Variants in NDUFAF6 observed in about 807,000 individuals in gnomAD.
NDUFAF6 encodes NADH:ubiquinone oxidoreductase complex assembly factor 6, also known as NADH dehydrogenase (ubiquinone) complex I, assembly factor 6.
NDUFAF6 carries 45 observed loss-of-function variants against 40.8 expected under a neutral mutation model. That is an observed-to-expected ratio of 1.10 (90% CI 0.87 to 1.42). NDUFAF6 has a LOEUF of 1.42. Ranked by LOEUF, NDUFAF6 falls within the 40% of genes most tolerant of loss-of-function variation. The pLI, the probability that NDUFAF6 is intolerant of heterozygous loss-of-function variation, is 0.00. For missense variants in NDUFAF6, 435 were observed against 418.5 expected, an observed-to-expected ratio of 1.04 and a Z score of -0.34; for synonymous variants, 185 against 155.9, an observed-to-expected ratio of 1.19 and a Z score of -1.39.
chr8:94,940,597 G>A (rs913635098), intron 1 of NDUFAF6, among the ~76,000 whole-genome samples: 27 of 152,236 alleles, frequency 1.8e-4, no homozygotes, highest in African/African-American at 6.0e-4. Context: ...TTCTAATGAA[G>A]TGCCCTTGAT....
At chr8:95,078,547 C>T (rs1808704210), downstream of NDUFAF6, 1 of 151,500 alleles carries the variant, frequency 6.6e-6, no homozygotes, top group Admixed American at 6.6e-5. Flanking sequence ...TCCGGAGGCT[C>T]AGTGGGGAGG....
At chr8:95,108,510 A>T (rs930577431) in intron 4 of NDUFAF6, among the ~76,000 whole-genome samples, 1 of 152,202 alleles carries the variant, frequency 6.6e-6, no homozygotes, top group Non-Finnish European at 1.5e-5. Context: ...ATAGTCAAAT[A>T]CCTAGAGACA....
intron 1 of NDUFAF6, chr8:94,939,940 G>C (rs1821359080): frequency 6.2e-7 from 1 of 1,614,066 alleles, no homozygotes; most frequent in African/African-American, 1.3e-5. Flanking sequence ...GCACAGCATA[G>C]ACAGACATGC....
chr8:95,105,600 C>T (rs1369497470), downstream of NDUFAF6, among the ~76,000 whole-genome samples: 1 of 152,154 alleles, frequency 6.6e-6, no homozygotes, highest in African/African-American at 2.4e-5. Flanking sequence ...CTCCTGGGCT[C>T]AAGCAATTCT....
At chr8:94,946,696 CAAAAA>C (rs71273438) in intron 2 of NDUFAF6, among the ~76,000 whole-genome samples, 531 of 34,694 alleles carry the variant, frequency 0.015, 19 homozygotes, top group African/African-American at 0.043. Context: ...GACCCTGTCT[CAAAAA>C]AAAAAAAAAA....
chr8:94,935,311 T>C (rs1300774408), intron 1 of NDUFAF6, among the ~76,000 whole-genome samples: 1 of 152,120 alleles, frequency 6.6e-6, no homozygotes, highest in Non-Finnish European at 1.5e-5. Context: ...CCCAAAATAC[T>C]TTAACAGGAA....
intron 2 of NDUFAF6, among the ~76,000 whole-genome samples, chr8:94,949,732 A>G (rs546122467): frequency 1.3e-5 from 2 of 152,038 alleles, no homozygotes; most frequent in South Asian, 4.1e-4. Flanking sequence ...GCAGAGGTGG[A>G]TCTCTCCCTC....
chr8:95,066,286 G>GC (rs1346826386), intron 9 of NDUFAF6, among the ~76,000 whole-genome samples: 68 of 106,174 alleles, frequency 6.4e-4, no homozygotes, highest in African/African-American at 2.7e-3. Flanking sequence ...TTGCTTGCTT[G>GC]CTTTTTTTTT....
intron 2 of NDUFAF6, among the ~76,000 whole-genome samples, chr8:95,032,340 ATAAAACTGTGCCAT>A (rs1159249503): frequency 1.3e-5 from 2 of 152,242 alleles, no homozygotes; most frequent in South Asian, 4.1e-4. Context: ...CGAGGATATT[ATAAAACTGTGCCAT>A]TAACATTGCA....
At chr8:95,114,188 G>C (rs2132090120) in intron 4 of NDUFAF6, among the ~76,000 whole-genome samples, 1 of 112,562 alleles carries the variant, frequency 8.9e-6, no homozygotes, top group Non-Finnish European at 1.9e-5. Flanking sequence ...AAAATGAATG[G>C]TGTTGTCTTT....
chr8:94,978,207 A>T (rs1301464831), intron 1 of NDUFAF6, among the ~76,000 whole-genome samples: 2 of 152,162 alleles, frequency 1.3e-5, no homozygotes, highest in African/African-American at 4.8e-5. Context: ...CAGGAAGGGG[A>T]GCAGAGCTGG....
downstream of NDUFAF6, among the ~76,000 whole-genome samples, chr8:95,108,455 A>G (rs535965033): frequency 8.5e-5 from 13 of 152,222 alleles, no homozygotes; most frequent in Non-Finnish European, 1.8e-4. Context: ...AGCCAGATAC[A>G]AAAGGACAAA....
At chr8:94,965,366 A>C (rs547568731) in intron 1 of NDUFAF6, among the ~76,000 whole-genome samples, 1 of 152,348 alleles carries the variant, frequency 6.6e-6, no homozygotes, top group Non-Finnish European at 1.5e-5. Flanking sequence ...AGGCTGGGAC[A>C]GGGTGGAGGG....
chr8:94,931,613 A>T (rs567264220), intron 1 of NDUFAF6, among the ~76,000 whole-genome samples: 2 of 46,086 alleles, frequency 4.3e-5, no homozygotes, highest in African/African-American at 1.3e-4. Context: ...CACACACATA[A>T]AATTTTTTTA....
chr8:95,073,265 T>C lies in NDUFAF6; in HGVS notation c.*512-2368T>C, dbSNP rs570719786. The C allele has an allele frequency of 2.5e-3, 385 of 152,324 alleles. 3 individuals carry two copies. The South Asian group carries it at 0.026, about 10-fold the overall frequency. The allele number at this position is 152,324 out of a possible 1,614,324, so 9.4% of individuals were successfully genotyped here. Reference sequence around the variant, plus strand: ...CCTTGCGCGCGCAGCCAGGACAGTGTTTCTGCGCTTCCTGAGGCCAAAGCG... The same window carrying C: ...CCTTGCGCGCGCAGCCAGGACAGTGCTTCTGCGCTTCCTGAGGCCAAAGCG... On this transcript the variant is annotated intron_variant and NMD_transcript_variant, in intron 9 of 9. Coordinates refer to the NDUFAF6 transcript ENST00000520757.
At chr8:94,990,068 T>A (rs139396910) in intron 2 of NDUFAF6, among the ~76,000 whole-genome samples, 1 of 152,286 alleles carries the variant, frequency 6.6e-6, no homozygotes, top group African/African-American at 2.4e-5. Context: ...GTATTGTGGC[T>A]ATGATTCACT....
chr8:94,959,540 T>TG (rs1347315358), intron 1 of NDUFAF6, among the ~76,000 whole-genome samples: 1 of 79,078 alleles, frequency 1.3e-5, no homozygotes, highest in Non-Finnish European at 3.1e-5. Flanking sequence ...GTTTTTTTTG[T>TG]TTTTTTTTTA....
chr8:95,092,578 C>CTTTTTTT (rs528845192), intron 2 of NDUFAF6, among the ~76,000 whole-genome samples: 3 of 77,818 alleles, frequency 3.9e-5, no homozygotes, highest in Admixed American at 1.8e-4. Context: ...CTCACGAAGC[C>CTTTTTTT]TTTTTTTTTT....
chr8:94,952,709 C>A (rs755829727), intron 2 of NDUFAF6, among the ~76,000 whole-genome samples: 2 of 152,200 alleles, frequency 1.3e-5, no homozygotes, highest in Non-Finnish European at 2.9e-5. Flanking sequence ...AAGAATTATT[C>A]CAGGGCCATA....
Sources: gnomAD v4.1 joint callset for allele counts (sites outside exome capture counted in the v4.1 genomes callset) on GRCh38, gnomAD v4.1.1 for gene constraint, MANE v1.5 for transcripts, NCBI Gene and HGNC (gene_info 2026-07-23, HGNC 2026-07-21) for gene names.